The following IGSF3 variants were observed in gnomAD, a reference collection of about 807,000 sequenced individuals.
IGSF3 encodes the protein immunoglobulin superfamily member 3.
Under a neutral mutation model 114.4 loss-of-function variants are expected in IGSF3, and 23 were observed. The ratio of observed to expected loss-of-function variants is 0.20; its 90% confidence interval spans 0.14 to 0.28. The LOEUF (loss-of-function observed/expected upper bound fraction) is 0.28, where lower values mean the gene tolerates loss of function less well. IGSF3 is among the 10% of genes least tolerant of loss of function. The probability of loss-of-function intolerance (pLI) is 1.00; values close to 1 mark genes in which losing one functional copy is unlikely to be tolerated. For missense variants in IGSF3, 1,172 were observed against 1,591.5 expected (o/e 0.74, Z 4.48); for synonymous variants, 571 against 645.2 (o/e 0.88, Z 1.74).
intron 9 of IGSF3, among the ~76,000 whole-genome samples, chr1:116,581,862 G>A (rs936164187): frequency 2.0e-5 from 3 of 152,172 alleles, no homozygotes; most frequent in Non-Finnish European, 4.4e-5. Context: ...AGAGACCAAG[G>A]GGAGCCCCCC....
Position 116,584,424 on chromosome 1 carries a change from T to A in IGSF3, c.2848+221A>T. The A allele has an allele frequency of 1.9e-6, 1 of 531,004 alleles. No individual in the cohort carries two copies. Among genetic ancestry groups the A allele is most frequent in the Non-Finnish European group, 3.3e-6 (1 of 298,980 alleles). The allele number at this position is 531,004 out of a possible 1,614,324, so 32.9% of individuals were successfully genotyped here. The stretch of plus-strand genomic sequence containing the variant: ...AATTAATGGCCAGATTTTATTCTAT[T>A]TAAGAAATCAAATCACCTTAGGCCA... On this transcript the variant is annotated intron_variant, in intron 9 of 10. Transcript: ENST00000369486. The surrounding 1 kb of genome is among the most constrained non-coding windows in gnomAD (Gnocchi z 5.8).
rs12069687 is a variant in IGSF3 at position 116,595,759 on chromosome 1, A to G, written c.2029+4182T>C. ...GAAAATGAGTGCTAACATTTCCCTT[A>G]CTGCTTCTGTATTTAAGGATATGTA... On this transcript the variant is annotated intron_variant, in intron 7 of 10. Transcript: ENST00000369486. The surrounding 1 kb of genome is among the most constrained non-coding windows in gnomAD (Gnocchi z 4.2). 0.024 allele frequency among the ~76,000 whole-genome samples: 3,679 copies of G among 152,332 alleles called. 148 individuals carry two copies. Among genetic ancestry groups the G allele is most frequent in the African/African-American group, 0.084 (3,480 of 41,556 alleles).
chr1:116,604,265 C>T (rs1056500798), intron 5 of IGSF3, among the ~76,000 whole-genome samples: 2 of 152,120 alleles, frequency 1.3e-5, no homozygotes, highest in Non-Finnish European at 1.5e-5. Context: ...ACTGTGATAA[C>T]GAGGTTCTAA....
rs1454974682 is a variant in IGSF3, at chr1:116,595,740, G to C, written c.2029+4201C>G. ...ATATTGTCATAAACATTTGGAAAAT[G>C]AGTGCTAACATTTCCCTTACTGCTT... is the stretch of plus-strand genomic sequence containing the variant. On this transcript the variant is annotated intron_variant, in intron 7 of 10. Coordinates refer to ENST00000369486, the MANE Select transcript of IGSF3 (RefSeq NM_001007237.3). This position sits in a 1 kb window ranked among gnomAD's most constrained non-coding sequence, Gnocchi z 4.2. Among the ~76,000 whole-genome samples, 1 of 152,210 alleles carries C rather than the reference G, an allele frequency of 6.6e-6. No homozygotes were observed. Among genetic ancestry groups the C allele is most frequent in the Non-Finnish European group, 1.5e-5 (1 of 68,032 alleles).
chr1:116,623,313 G>A (rs1661476752), intron 2 of IGSF3, among the ~76,000 whole-genome samples: 1 of 152,212 alleles, frequency 6.6e-6, no homozygotes, highest in African/African-American at 2.4e-5. Context: ...AGCCCTCTGA[G>A]GTCAATACTC....
rs1335205221 is a variant in IGSF3 at position 116,642,267 on chromosome 1, G to T, written c.43+24017C>A. 6.6e-6 allele frequency among the ~76,000 whole-genome samples: 1 copy of T among 151,978 alleles called. No individual in the cohort carries two copies. The highest frequency in any genetic ancestry group is 1.9e-4 in the East Asian group (1 of 5,194). On this transcript the variant is annotated intron_variant, in intron 2 of 10. Coordinates refer to ENST00000369486, the MANE Select transcript of IGSF3 (RefSeq NM_001007237.3). The surrounding 1 kb of genome is among the most constrained non-coding windows in gnomAD (Gnocchi z 5.4). ...AAAAACACGAAATTTTTTGGTAAAAGAATTATCCTTAAGTGGGTATTTTTT... is the reference window on the plus strand; with the variant it reads ...AAAAACACGAAATTTTTTGGTAAAATAATTATCCTTAAGTGGGTATTTTTT...
rs894778238 is a variant in IGSF3, at chr1:116,592,915, G to A, written c.2030-3811C>T. On this transcript the variant is annotated intron_variant, in intron 7 of 10. Transcript: ENST00000369486. This position sits in a 1 kb window ranked among gnomAD's most constrained non-coding sequence, Gnocchi z 4.5. ...GATAGAAAAGAGAACATTTCAAAAGGTATATGGCCCCTGAGCTAGGCCCTG... is the reference window on the plus strand; with the variant it reads ...GATAGAAAAGAGAACATTTCAAAAGATATATGGCCCCTGAGCTAGGCCCTG... Among the ~76,000 whole-genome samples the A allele has an allele frequency of 2.6e-5, 4 of 152,306 alleles. No individual in the cohort carries two copies. The highest frequency in any genetic ancestry group is 2.1e-4 in the South Asian group (1 of 4,824).
chr1:116,577,408 C>T lies in IGSF3; in HGVS notation c.3489G>A (p.Gly1163=). 1 of 1,614,140 alleles carries T rather than the reference C, an allele frequency of 6.2e-7. No homozygotes were observed. Among genetic ancestry groups the T allele is most frequent in the Non-Finnish European group, 8.5e-7 (1 of 1,180,010 alleles). The change falls in exon 11 of 11, where the codon GGG becomes GGA. Residue 1163 remains glycine (G), a synonymous_variant. Transcript: ENST00000369486. This position sits in a 1 kb window ranked among gnomAD's most constrained non-coding sequence, Gnocchi z 5.7. ...NSSKNSDGKN[G]VPLLWIKEPH... ...GCTCTTTGATCCACAGCAGAGGCAC[C>T]CCATTCTTCCCATCAGAGTTCTTGC...
chr1:116,666,218 A>G (rs1190523400), intron 2 of IGSF3, 66 bp downstream of exon 2: 25 of 1,445,202 alleles, frequency 1.7e-5, no homozygotes, highest in Non-Finnish European at 2.2e-5. Context: ...GAACCACGAG[A>G]AATTACAGGA....
In IGSF3 at chr1:116,628,900, G is replaced by A. The variant is rs1462337339; in HGVS notation, c.44-12443C>T. ...AGTGGGCCCTGCTCATTCTTTCTAG[G>A]GAGGCACAGATAAGCCAGCATCACA... On this transcript the variant is annotated intron_variant, in intron 2 of 10. Coordinates refer to ENST00000369486, the MANE Select transcript of IGSF3 (RefSeq NM_001007237.3). This position sits in a 1 kb window ranked among gnomAD's most constrained non-coding sequence, Gnocchi z 4.2. Among the ~76,000 whole-genome samples the A allele has an allele frequency of 6.6e-6, 1 of 152,158 alleles. No homozygotes were observed. The highest frequency in any genetic ancestry group is 1.5e-5 in the Non-Finnish European group (1 of 68,046).
At chr1:116,580,922 C>A (rs1391583992) in intron 9 of IGSF3, among the ~76,000 whole-genome samples, 1 of 152,220 alleles carries the variant, frequency 6.6e-6, no homozygotes, top group African/African-American at 2.4e-5. Context: ...TCATGGGGAG[C>A]ATGGCTATGA....
In IGSF3 at chr1:116,588,170, G is replaced by A. The variant is rs971961809; in HGVS notation, c.2440+524C>T. 6.6e-6 allele frequency among the ~76,000 whole-genome samples: 1 copy of A among 152,176 alleles called. No individual in the cohort carries two copies. The highest frequency in any genetic ancestry group is 1.5e-5 in the Non-Finnish European group (1 of 68,026). ...GGTTGAGTGCCACCTGTGAGGGAGA[G>A]GAATAAGGGCTACACCATGGGATCA... On this transcript the variant is annotated intron_variant, in intron 8 of 10. Coordinates refer to ENST00000369486, the MANE Select transcript of IGSF3 (RefSeq NM_001007237.3). The surrounding 1 kb of genome is among the most constrained non-coding windows in gnomAD (Gnocchi z 4.9).
Position 116,628,558 on chromosome 1 carries a change from C to T in IGSF3, c.44-12101G>A, listed in dbSNP as rs1157000027. On this transcript the variant is annotated intron_variant, in intron 2 of 10. Coordinates refer to ENST00000369486, the MANE Select transcript of IGSF3 (RefSeq NM_001007237.3). This position sits in a 1 kb window ranked among gnomAD's most constrained non-coding sequence, Gnocchi z 4.2. ...TTGGGCAACAGGGACTGTGAAGGGC[C>T]CCCAAACCATTCCCCACCAAGAGTG... 6.6e-6 allele frequency among the ~76,000 whole-genome samples: 1 copy of T among 152,102 alleles called. No individual in the cohort carries two copies. Among genetic ancestry groups the T allele is most frequent in the Non-Finnish European group, 1.5e-5 (1 of 68,016 alleles).
Position 116,647,874 on chromosome 1 carries a change from C to T in IGSF3, c.43+18410G>A, listed in dbSNP as rs1478259403. Among the ~76,000 whole-genome samples, 1 of 152,178 alleles carries T rather than the reference C, an allele frequency of 6.6e-6. No homozygotes were observed. Among genetic ancestry groups the T allele is most frequent in the African/African-American group, 2.4e-5 (1 of 41,432 alleles). On this transcript the variant is annotated intron_variant, in intron 2 of 10. Transcript: ENST00000369486. The surrounding 1 kb of genome is among the most constrained non-coding windows in gnomAD (Gnocchi z 4.6). Reference sequence around the variant, plus strand: ...ATCCAAGCACTTTGGGAGGCCAAGGCGGGCGGATCACCTGAGGTCAGGAGT... The same window carrying T: ...ATCCAAGCACTTTGGGAGGCCAAGGTGGGCGGATCACCTGAGGTCAGGAGT...
In IGSF3 at chr1:116,649,711, G is replaced by T. The variant is rs1463068265; in HGVS notation, c.43+16573C>A. Among the ~76,000 whole-genome samples the T allele has an allele frequency of 2.0e-5, 3 of 152,166 alleles. No homozygotes were observed. The highest frequency in any genetic ancestry group is 4.4e-5 in the Non-Finnish European group (3 of 68,030). ...CCCCTTCCAAAGAACCTGGTACCCA[G>T]CTACTTAATCCTTATCCTTCTTCCC... On this transcript the variant is annotated intron_variant, in intron 2 of 10. Coordinates refer to ENST00000369486, the MANE Select transcript of IGSF3 (RefSeq NM_001007237.3). This position sits in a 1 kb window ranked among gnomAD's most constrained non-coding sequence, Gnocchi z 4.5.
intron 9 of IGSF3, among the ~76,000 whole-genome samples, chr1:116,580,371 G>A (rs1232294852): frequency 6.6e-6 from 1 of 152,224 alleles, no homozygotes; most frequent in Non-Finnish European, 1.5e-5. Context: ...AAATCCAGTG[G>A]CTGGTGCTAT....
chr1:116,606,580 T>C (rs1660801861), intron 5 of IGSF3: 2 of 779,534 alleles, frequency 2.6e-6, no homozygotes, highest in Non-Finnish European at 4.7e-6. Context: ...AGGCCACAGA[T>C]CATCAAACAA....
In IGSF3 at chr1:116,629,130, G is replaced by A. The variant is rs1647441027; in HGVS notation, c.44-12673C>T. On this transcript the variant is annotated intron_variant, in intron 2 of 10. Transcript: ENST00000369486. This position sits in a 1 kb window ranked among gnomAD's most constrained non-coding sequence, Gnocchi z 4.3. ...AGGTCCCCAAACAAAGAATCCATCAGTCAATTACAGCACTCTCCCCATGTG... is the reference window on the plus strand; with the variant it reads ...AGGTCCCCAAACAAAGAATCCATCAATCAATTACAGCACTCTCCCCATGTG... Among the ~76,000 whole-genome samples, 1 of 152,158 alleles carries A rather than the reference G, an allele frequency of 6.6e-6. No individual in the cohort carries two copies. The highest frequency in any genetic ancestry group is 1.5e-5 in the Non-Finnish European group (1 of 68,028).
rs929972680 is a variant in IGSF3 at position 116,596,681 on chromosome 1, A to T, written c.2029+3260T>A. ...ACCAAAGAGGATTCCTGAGAAGAAA[A>T]ACACTTGTCTAGAACATATAATAAT... On this transcript the variant is annotated intron_variant, in intron 7 of 10. Coordinates refer to ENST00000369486, the MANE Select transcript of IGSF3 (RefSeq NM_001007237.3). This position sits in a 1 kb window ranked among gnomAD's most constrained non-coding sequence, Gnocchi z 4.1. Among the ~76,000 whole-genome samples, 11 of 152,166 alleles carry T rather than the reference A, an allele frequency of 7.2e-5. No individual in the cohort carries two copies. Among genetic ancestry groups the T allele is most frequent in the Admixed American group, 3.9e-4 (6 of 15,282 alleles).
Sources: allele counts gnomAD v4.1 joint callset (sites outside exome capture counted in the v4.1 genomes callset), GRCh38; gene constraint gnomAD v4.1.1; non-coding constraint Gnocchi (gnomAD v3.1); transcripts MANE v1.5; gene names NCBI Gene and HGNC (gene_info 2026-07-23, HGNC 2026-07-21).